ATP2A2: variants seen among roughly 807,000 people sequenced by gnomAD.
The protein encoded by ATP2A2 is ATPase sarcoplasmic/endoplasmic reticulum Ca2+ transporting 2.
A neutral mutation model predicts 109.3 loss-of-function variants in ATP2A2; 14 were observed. The ratio of observed to expected loss-of-function variants is 0.13; its 90% confidence interval spans 0.08 to 0.20. The LOEUF is 0.20. Among genes scored for constraint, ATP2A2 ranks in the 10% least tolerant of loss-of-function variants. ATP2A2 has a pLI of 1.00. For synonymous variants in ATP2A2, 506 were observed against 490.9 expected (o/e 1.03, Z -0.41); for missense variants, 657 against 1,321.6 (o/e 0.50, Z 7.80).
rs1471323849 is a variant in ATP2A2 at position 110,327,586 on chromosome 12, G to A, written c.664G>A (p.Val222Met). The change falls in exon 8 of 20, where the codon GTG becomes ATG. Residue 222 changes from valine (V) to methionine (M), a missense_variant. Physicochemically the swap from Val to Met is conservative, Grantham distance 21. Coordinates refer to ENST00000539276, the MANE Select transcript of ATP2A2 (RefSeq NM_170665.4). This position sits in a 1 kb window ranked among gnomAD's most constrained non-coding sequence, Gnocchi z 4.4. Reference protein sequence around the residue: ...TNIAAGKAMGVVVATGVNTEI... With the variant: ...TNIAAGKAMGMVVATGVNTEI... The stretch of plus-strand genomic sequence containing the variant: ...CATTGCTGCTGGGAAAGCTATGGGA[G>A]TGGTGGTAGCAACTGGAGTTAACAC... 2.5e-6 allele frequency: 4 copies of A among 1,613,974 alleles called. No individual in the cohort carries two copies. Among genetic ancestry groups the A allele is most frequent in the Non-Finnish European group, 3.4e-6 (4 of 1,179,992 alleles).
At chr12:110,329,110 A>G (rs1001913156) in intron 8 of ATP2A2, among the ~76,000 whole-genome samples, 7 of 152,262 alleles carry the variant, frequency 4.6e-5, no homozygotes, top group African/African-American at 1.7e-4. Context: ...GAAATGGTTC[A>G]GTACTTGCAT....
intron 11 of ATP2A2, among the ~76,000 whole-genome samples, chr12:110,338,337 G>C (rs1340747498): frequency 6.6e-6 from 1 of 152,224 alleles, no homozygotes; most frequent in East Asian, 1.9e-4. Flanking sequence ...TGGCCACAGA[G>C]CATTGCCATC....
intron 18 of ATP2A2, 47 bp from the exon 19 acceptor site, chr12:110,345,954 G>A (rs779743628): frequency 1.2e-5 from 19 of 1,579,746 alleles, no homozygotes; most frequent in South Asian, 7.7e-5. Context: ...ACTGTGACAC[G>A]TGCCTTGCCT....
chr12:110,285,874 G>A (rs561723120), intron 3 of ATP2A2, among the ~76,000 whole-genome samples: 59 of 148,568 alleles, frequency 4.0e-4, no homozygotes, highest in African/African-American at 1.5e-3. Context: ...ATTTGCATGT[G>A]TGTGTCTCTT....
Position 110,347,444 on chromosome 12 carries a change from G to C in ATP2A2, c.*974G>C. 7.0e-6 allele frequency: 9 copies of C among 1,289,076 alleles called. No individual in the cohort carries two copies. Among genetic ancestry groups the C allele is most frequent in the Non-Finnish European group, 8.1e-6 (8 of 988,696 alleles). The allele number at this position is 1,289,076 out of a possible 1,614,324, so 79.9% of individuals were successfully genotyped here. On this transcript the variant is annotated 3_prime_UTR_variant, in exon 20 of 20. Coordinates refer to ENST00000539276, the MANE Select transcript of ATP2A2 (RefSeq NM_170665.4). ...TCTGCTTGAGGGGAAGAAGGCTCCT[G>C]CTCTGCTGTGTAGGTAGTCATAGGA... is the stretch of plus-strand genomic sequence containing the variant.
intron 6 of ATP2A2, among the ~76,000 whole-genome samples, chr12:110,323,879 G>A (rs937029476): frequency 2.0e-5 from 3 of 152,192 alleles, no homozygotes; most frequent in African/African-American, 4.8e-5. Context: ...TTACTTATTC[G>A]ATGTCCTTTT....
Position 110,349,310 on chromosome 12 carries a change from GCCTGCTGTCAGGCA to G in ATP2A2, c.*2841_*2854del, listed in dbSNP as rs1190467239. 1.2e-4 allele frequency: 120 copies of G among 985,564 alleles called. No homozygotes were observed. In the African/African-American group the frequency reaches 1.9e-3, roughly 16 times the overall value. 61.1% of individuals were successfully genotyped at this position (985,564 alleles called of 1,614,324 possible). ...CAGCAGCTGCCCAGCCCCGCAATGT[GCCTGCTGTCAGGCA>G]GCTCTTGCCTGAAACTTACTTCCAC... On this transcript the variant is annotated 3_prime_UTR_variant, in exon 20 of 20. Transcript: ENST00000539276.
chr12:110,301,236 C>T (rs1874604907), intron 5 of ATP2A2, among the ~76,000 whole-genome samples: 1 of 152,094 alleles, frequency 6.6e-6, no homozygotes, highest in African/African-American at 2.4e-5. Context: ...AGCCTTTATC[C>T]TTAGTTTGCA....
At chr12:110,344,736 G>T in intron 16 of ATP2A2, 150 bp from the exon 17 acceptor site, 1 of 748,328 alleles carries the variant, frequency 1.3e-6, no homozygotes, top group Non-Finnish European at 2.4e-6. Flanking sequence ...GCTACCAGGC[G>T]TGAGCAGGTG....
In ATP2A2 at chr12:110,350,100, TTC is replaced by T; in HGVS notation, c.*3632_*3633del. On this transcript the variant is annotated 3_prime_UTR_variant, in exon 20 of 20. Coordinates refer to ENST00000539276, the MANE Select transcript of ATP2A2 (RefSeq NM_170665.4). The stretch of plus-strand genomic sequence containing the variant: ...GGAGTCTGTGTCACTGAGCCAGTGC[TTC>T]TAGATGCTACCCTGTGTGGGCGGCA... 3.4e-6 allele frequency: 5 copies of T among 1,471,496 alleles called. 1 individual carries two copies. The South Asian group carries it at 7.0e-5, about 21-fold the overall frequency. The allele number at this position is 1,471,496 out of a possible 1,614,324, so 91.2% of individuals were successfully genotyped here.
intron 5 of ATP2A2, among the ~76,000 whole-genome samples, chr12:110,305,882 GT>G (rs71083114): frequency 0.045 from 6,269 of 137,918 alleles, 172 homozygotes; most frequent in Middle Eastern, 0.085. Context: ...TTTTTTTTTT[GT>G]TTTTTTTTTT....
chr12:110,303,101 T>C (rs77292831), intron 5 of ATP2A2, among the ~76,000 whole-genome samples: 1 of 152,364 alleles, frequency 6.6e-6, no homozygotes, highest in African/African-American at 2.4e-5. Flanking sequence ...TTGACTGTTG[T>C]AACGTTATCG....
At chr12:110,341,016 C>T (rs1318081391) in intron 14 of ATP2A2, 22 bp downstream of exon 14, 4 of 1,612,038 alleles carry the variant, frequency 2.5e-6, no homozygotes, top group Non-Finnish European at 3.4e-6. Flanking sequence ...TGAACATGTA[C>T]AGGTGACTCA....
chr12:110,332,576 T>C (rs778892095), intron 8 of ATP2A2, 21 bp from the exon 9 acceptor site: 8 of 1,582,112 alleles, frequency 5.1e-6, no homozygotes, highest in Non-Finnish European at 1.7e-6. Context: ...TTAAATACTC[T>C]GATGCGCTCT....
At chr12:110,310,195 C>T (rs1875866927) in intron 5 of ATP2A2, among the ~76,000 whole-genome samples, 1 of 151,432 alleles carries the variant, frequency 6.6e-6, no homozygotes, top group Non-Finnish European at 1.5e-5. Flanking sequence ...CCATGTTGGC[C>T]AGGCTGGTCT....
chr12:110,315,669 G>A (rs907184077), intron 5 of ATP2A2, among the ~76,000 whole-genome samples: 8 of 152,150 alleles, frequency 5.3e-5, no homozygotes, highest in Admixed American at 3.9e-4. Context: ...GGCCGGGTGC[G>A]GTGGCTCACG....
chr12:110,281,713 A>G lies in ATP2A2; in HGVS notation c.-77A>G, dbSNP rs1793769567. On this transcript the variant is annotated 5_prime_UTR_variant, in exon 1 of 20. Coordinates refer to ENST00000539276, the MANE Select transcript of ATP2A2 (RefSeq NM_170665.4). ...GCGCCTGGGCTCCCGGGGTGGCACG[A>G]GCCCGCGGCCGGAGTGCGAGGCGGA... 9.4e-7 allele frequency: 1 copy of G among 1,066,352 alleles called. No homozygotes were observed. The allele number at this position is 1,066,352 out of a possible 1,614,324, so 66.1% of individuals were successfully genotyped here.
intron 11 of ATP2A2, among the ~76,000 whole-genome samples, chr12:110,335,693 A>C (rs933474289): frequency 6.6e-6 from 1 of 152,242 alleles, no homozygotes; most frequent in Non-Finnish European, 1.5e-5. Flanking sequence ...GGGAGAGAAG[A>C]AGCAAGCTAC....
rs1358612089 is a variant in ATP2A2, at chr12:110,347,028, CACCCCACCTCTCCCCACCTT to C, written c.*564_*583del. ...ACTTTGGCCTCCGTTCACCCCACCC[CACCCCACCTCTCCCCACCTT>C]ACCCCCGCCCCGCTTGGCTTCTTCT... On this transcript the variant is annotated 3_prime_UTR_variant, in exon 20 of 20. Coordinates refer to ENST00000539276, the MANE Select transcript of ATP2A2 (RefSeq NM_170665.4). 13 of 1,076,484 alleles carry C rather than the reference CACCCCACCTCTCCCCACCTT, an allele frequency of 1.2e-5. No homozygotes were observed. The highest frequency in any genetic ancestry group is 1.7e-5 in the African/African-American group (1 of 59,142). 66.7% of individuals were successfully genotyped at this position (1,076,484 alleles called of 1,614,324 possible).
Sources: allele counts gnomAD v4.1 joint callset (sites outside exome capture counted in the v4.1 genomes callset), GRCh38; gene constraint gnomAD v4.1.1; non-coding constraint Gnocchi (gnomAD v3.1); transcripts MANE v1.5; gene names NCBI Gene and HGNC (gene_info 2026-07-23, HGNC 2026-07-21).